Variants in ATF7IP observed in about 807,000 individuals in gnomAD.
ATF7IP encodes the protein activating transcription factor 7-interacting protein 1.
Under a neutral mutation model 106.4 loss-of-function variants are expected in ATF7IP, and 23 were observed. The ratio of observed to expected loss-of-function variants is 0.22; its 90% confidence interval spans 0.16 to 0.31. The LOEUF (loss-of-function observed/expected upper bound fraction) is 0.31. Among genes scored for constraint, ATF7IP ranks in the 10% least tolerant of loss-of-function variants. The pLI is 1.00. For missense variants in ATF7IP, 1,334 were observed against 1,524.3 expected, an observed-to-expected ratio of 0.88 and a Z score of 2.08; for synonymous variants, 542 against 539.0, an observed-to-expected ratio of 1.01 and a Z score of -0.08.
intron 1 of ATF7IP, among the ~76,000 whole-genome samples, chr12:14,386,233 A>G (rs1939232282): frequency 6.6e-6 from 1 of 152,176 alleles, no homozygotes; most frequent in Admixed American, 6.5e-5. Flanking sequence ...CAAAAAGTTT[A>G]AAAAGCTTTC....
At chr12:14,395,561 CTT>C (rs935965985) in intron 1 of ATF7IP, among the ~76,000 whole-genome samples, 2 of 152,110 alleles carry the variant, frequency 1.3e-5, no homozygotes, top group African/African-American at 4.8e-5. Flanking sequence ...TTTTAGATCT[CTT>C]TTCATTATAG....
intron 10 of ATF7IP, among the ~76,000 whole-genome samples, chr12:14,473,286 CTCTCTGTGTGTGTG>C: frequency 1.9e-5 from 1 of 53,752 alleles, no homozygotes; most frequent in African/African-American, 1.2e-4. Context: ...CTCTCTCTCT[CTCTCTGTGTGTGTG>C]TGTGTGTGTG....
chr12:14,481,515 AATAT>A (rs1591955290), intron 13 of ATF7IP: 1 of 398,320 alleles, frequency 2.5e-6, no homozygotes, highest in South Asian at 2.2e-5. Flanking sequence ...GTATACCATA[AATAT>A]ATATAATTTT....
At chr12:14,448,788 A>G (rs1286554748) in intron 6 of ATF7IP, among the ~76,000 whole-genome samples, 1 of 152,170 alleles carries the variant, frequency 6.6e-6, no homozygotes, top group Non-Finnish European at 1.5e-5. Flanking sequence ...CAAGAGTTCC[A>G]GATTTCCCAT....
intron 2 of ATF7IP, among the ~76,000 whole-genome samples, chr12:14,427,735 T>C (rs1369697216): frequency 6.6e-6 from 1 of 152,098 alleles, no homozygotes; most frequent in Non-Finnish European, 1.5e-5. Context: ...ATTTTTATTT[T>C]TTCTTTCACA....
chr12:14,459,176 A>G (rs1239073121), intron 8 of ATF7IP, among the ~76,000 whole-genome samples: 1 of 152,228 alleles, frequency 6.6e-6, no homozygotes, highest in Non-Finnish European at 1.5e-5. Flanking sequence ...AAGATCTTCA[A>G]AATACCCAAA....
intron 1 of ATF7IP, among the ~76,000 whole-genome samples, chr12:14,398,420 C>T (rs1483933410): frequency 6.8e-6 from 1 of 146,200 alleles, no homozygotes; most frequent in African/African-American, 2.5e-5. Context: ...GATAATTTTT[C>T]TGTCATCTTG....
At chr12:14,492,823 G>A (rs1319522239) in intron 13 of ATF7IP, among the ~76,000 whole-genome samples, 3 of 152,008 alleles carry the variant, frequency 2.0e-5, no homozygotes, top group Non-Finnish European at 4.4e-5. Context: ...GTAGTTGAGT[G>A]ACTGCAGTTC....
intron 1 of ATF7IP, among the ~76,000 whole-genome samples, chr12:14,402,678 G>T (rs920290831): frequency 1.3e-5 from 2 of 149,830 alleles, no homozygotes; most frequent in African/African-American, 2.5e-5. Flanking sequence ...GTGCGGTGTT[G>T]GCTCACTACA....
intron 1 of ATF7IP, among the ~76,000 whole-genome samples, chr12:14,409,181 A>T (rs907598955): frequency 4.6e-5 from 7 of 152,070 alleles, no homozygotes; most frequent in African/African-American, 1.7e-4. Flanking sequence ...CAATACATAA[A>T]TGTAGTATTA....
In ATF7IP at chr12:14,456,555, C is replaced by T. The variant is rs1212499275; in HGVS notation, c.1996-6C>T. On this transcript the variant is annotated splice_region_variant and splice_polypyrimidine_tract_variant and intron_variant, in intron 6 of 14. Coordinates refer to ENST00000261168, the MANE Select transcript of ATF7IP (RefSeq NM_018179.5). ...ATTTTTACCTTGATTTTTTTTTCTC[C>T]CCCAGCATCCACCCAACCCACCAGT... The T allele has an allele frequency of 6.2e-7, 1 of 1,605,672 alleles. No homozygotes were observed. Among genetic ancestry groups the T allele is most frequent in the East Asian group, 2.2e-5 (1 of 44,676 alleles).
chr12:14,441,042 G>T (rs554167298), intron 5 of ATF7IP, among the ~76,000 whole-genome samples: 1 of 152,284 alleles, frequency 6.6e-6, no homozygotes, highest in Non-Finnish European at 1.5e-5. Context: ...CTTTGAACTT[G>T]TATACAAGTG....
chr12:14,407,977 G>GA (rs1306536557), intron 1 of ATF7IP, among the ~76,000 whole-genome samples: 1 of 151,974 alleles, frequency 6.6e-6, no homozygotes. Flanking sequence ...TAAACTTGCA[G>GA]AAAAAAAGTG....
intron 5 of ATF7IP, among the ~76,000 whole-genome samples, chr12:14,440,895 A>G (rs1942663274): frequency 6.6e-6 from 1 of 152,258 alleles, no homozygotes; most frequent in East Asian, 1.9e-4. Context: ...TGTTTGTAGC[A>G]TGTATCAGTA....
intron 1 of ATF7IP, among the ~76,000 whole-genome samples, chr12:14,370,595 C>T (rs888101184): frequency 6.6e-6 from 1 of 152,020 alleles, no homozygotes; most frequent in Non-Finnish European, 1.5e-5. Flanking sequence ...TAACCTTATA[C>T]TATTTTTTTT....
rs143535376 is a variant in ATF7IP, at chr12:14,478,612, G to A, written c.3097+140G>A. 5.2e-5 allele frequency: 48 copies of A among 914,612 alleles called. No individual in the cohort carries two copies. The East Asian group carries it at 1.2e-3, about 23-fold the overall frequency. The allele number at this position is 914,612 out of a possible 1,614,324, so 56.7% of individuals were successfully genotyped here. ...GACTACAGTGCATGTCCTTTTGAAGGCAGTATAACTTAGTTTTTCTGACTG... is the reference window on the plus strand; with the variant it reads ...GACTACAGTGCATGTCCTTTTGAAGACAGTATAACTTAGTTTTTCTGACTG... On this transcript the variant is annotated intron_variant, in intron 12 of 14. Coordinates refer to ENST00000261168, the MANE Select transcript of ATF7IP (RefSeq NM_018179.5).
chr12:14,380,604 T>C (rs781569253), intron 1 of ATF7IP, among the ~76,000 whole-genome samples: 8 of 152,160 alleles, frequency 5.3e-5, no homozygotes, highest in Non-Finnish European at 1.2e-4. Flanking sequence ...CTTTTTGATA[T>C]AGTACTTTCA....
intron 11 of ATF7IP, 65 bp downstream of exon 11, chr12:14,476,033 A>C: frequency 8.1e-6 from 9 of 1,117,866 alleles, no homozygotes; most frequent in African/African-American, 1.5e-5. Flanking sequence ...AATACGGTAC[A>C]GTATTCTACA....
At chr12:14,401,740 T>C (rs1251802341) in intron 1 of ATF7IP, among the ~76,000 whole-genome samples, 2 of 129,350 alleles carry the variant, frequency 1.5e-5, no homozygotes, top group Non-Finnish European at 3.2e-5. Flanking sequence ...TTTTTTGATA[T>C]GGAATCTCGC....
Sources: allele counts gnomAD v4.1 joint callset (sites outside exome capture counted in the v4.1 genomes callset), GRCh38; gene constraint gnomAD v4.1.1; transcripts MANE v1.5; gene names NCBI Gene and HGNC (gene_info 2026-07-23, HGNC 2026-07-21).